The following GABRD variants were observed in gnomAD, a reference collection of about 807,000 sequenced individuals.
GABRD encodes gamma-aminobutyric acid receptor subunit delta.
GABRD carries 25 observed loss-of-function variants against 47.3 expected under a neutral mutation model. The observed-to-expected ratio is 0.53, with a 90% CI of 0.39 to 0.74. GABRD has a LOEUF of 0.74. GABRD is among the 30% of genes least tolerant of loss of function. The pLI is 0.00. For missense variants in GABRD, 497 were observed against 643.4 expected (o/e 0.77, Z 2.46); for synonymous variants, 314 against 278.8 (o/e 1.13, Z -1.26).
At position 2,029,631 on chromosome 1, in the gene GABRD, C is replaced by T. The variant is rs745961044; in HGVS notation, c.928C>T (p.Leu310=). Residue 310 remains leucine, a synonymous_variant, in exon 8 of 9, where the codon CTG becomes TTG. Transcript: ENST00000378585. ...SLPRASAIKA[L]DVYFWICYVF... ...GCCACGGGCATCAGCCATCAAGGCA[C>T]TGGACGTCTACTTCTGGATCTGCTA... is the stretch of plus-strand genomic sequence containing the variant. 3 of 1,613,470 alleles carry T rather than the reference C, an allele frequency of 1.9e-6. No homozygotes were observed. The highest frequency in any genetic ancestry group is 2.5e-6 in the Non-Finnish European group (3 of 1,180,016).
rs1571034136 is a variant in GABRD, at chr1:2,030,472, G to A, written c.*190G>A. 2 of 477,772 alleles carry A rather than the reference G, an allele frequency of 4.2e-6. No individual in the cohort carries two copies. The highest frequency in any genetic ancestry group is 6.8e-5 in the East Asian group (2 of 29,592). The allele number at this position is 477,772 out of a possible 1,614,324, so 29.6% of individuals were successfully genotyped here. A position where few individuals can be genotyped will look rare whatever the true frequency, so the allele number is the denominator to read the frequency against. On this transcript the variant is annotated 3_prime_UTR_variant, in exon 9 of 9. Transcript: ENST00000378585. ...GACCCCAGCCTCACCCGAAAGGCCA[G>A]CCTGGGGCTCTCCGGCAGGCAGCCC...
intron 1 of GABRD, among the ~76,000 whole-genome samples, chr1:2,021,274 C>G (rs951954085): frequency 3.3e-4 from 50 of 152,340 alleles, no homozygotes; most frequent in Admixed American, 1.7e-3. Flanking sequence ...GTGCTGGGCT[C>G]AACCTCCTGC....
chr1:2,030,357 C>A lies in GABRD; in HGVS notation c.*75C>A. Reference sequence around the variant, plus strand: ...CCCAGAAACTTCCTGGGAGAAAGAGCCCTCGGGCTGCCTTCCCCTCTGCGT... The same window carrying A: ...CCCAGAAACTTCCTGGGAGAAAGAGACCTCGGGCTGCCTTCCCCTCTGCGT... On this transcript the variant is annotated 3_prime_UTR_variant, in exon 9 of 9. Coordinates refer to ENST00000378585, the MANE Select transcript of GABRD (RefSeq NM_000815.5). 1 of 1,346,240 alleles carries A rather than the reference C, an allele frequency of 7.4e-7. No homozygotes were observed. Among genetic ancestry groups the A allele is most frequent in the Non-Finnish European group, 9.9e-7 (1 of 1,006,286 alleles). The allele number at this position is 1,346,240 out of a possible 1,614,324, so 83.4% of individuals were successfully genotyped here. A position where few individuals can be genotyped will look rare whatever the true frequency, so the allele number is the denominator to read the frequency against.
chr1:2,026,551 T>C (rs907701728), intron 4 of GABRD: 3 of 152,170 alleles, frequency 2.0e-5, no homozygotes, highest in African/African-American at 7.2e-5. Context: ...TCAGGAGGCA[T>C]GTGGCCGGAT....
Position 2,025,747 on chromosome 1 carries a change from GC to G in GABRD, c.470+10del. Reference sequence around the variant, plus strand: ...ATCCTGTACAGCATCCGGTGAGCGGGCTGCCCACCCGGACTCCGGGGGAGAG... The same window carrying G: ...ATCCTGTACAGCATCCGGTGAGCGGGTGCCCACCCGGACTCCGGGGGAGAG... On this transcript the variant is annotated intron_variant, in intron 4 of 8. Coordinates refer to ENST00000378585, the MANE Select transcript of GABRD (RefSeq NM_000815.5). The G allele has an allele frequency of 6.2e-7, 1 of 1,609,288 alleles. No individual in the cohort carries two copies. The highest frequency in any genetic ancestry group is 8.5e-7 in the Non-Finnish European group (1 of 1,177,164).
chr1:2,025,270 G>T (rs1658888164), intron 2 of GABRD, 64 bp from the exon 3 acceptor site: 4 of 1,585,058 alleles, frequency 2.5e-6, no homozygotes, highest in Non-Finnish European at 3.5e-6. Flanking sequence ...CCCCGGCAGG[G>T]TCCCATCGTG....
chr1:2,025,102 C>A, intron 2 of GABRD, 48 bp downstream of exon 2: 2 of 1,516,274 alleles, frequency 1.3e-6, no homozygotes, highest in Non-Finnish European at 1.8e-6. Flanking sequence ...GGAGCCCAGG[C>A]TAGGCCGTGG....
intron 1 of GABRD, chr1:2,023,747 G>C (rs971464289): frequency 6.6e-6 from 1 of 152,196 alleles, no homozygotes; most frequent in African/African-American, 2.4e-5. Flanking sequence ...AATACAGGGG[G>C]GTTAATCTCA....
At position 2,029,242 on chromosome 1, in the gene GABRD, G is replaced by T. The variant is rs1394297354; in HGVS notation, c.823G>T (p.Ala275Ser). The change falls in exon 7 of 9, where the codon GCG (alanine) becomes TCG (serine). Residue 275 changes from alanine to serine, a missense_variant. Ala to Ser is a moderately conservative substitution (Grantham distance 99). Transcript: ENST00000378585. Reference protein sequence around the residue: ...SWVSFWISQAAVPARVSLGIT... With the variant: ...SWVSFWISQASVPARVSLGIT... Reference sequence around the variant, plus strand: ...GGTCTCCTTCTGGATCAGCCAGGCGGCGGTGCCCGCCAGGGTGTCTCTAGG... The same window carrying T: ...GGTCTCCTTCTGGATCAGCCAGGCGTCGGTGCCCGCCAGGGTGTCTCTAGG... 6.4e-7 allele frequency: 1 copy of T among 1,566,694 alleles called. No individual in the cohort carries two copies.
At chr1:2,020,848 G>A (rs1306271871) in intron 1 of GABRD, among the ~76,000 whole-genome samples, 2 of 152,228 alleles carry the variant, frequency 1.3e-5, no homozygotes, top group Non-Finnish European at 2.9e-5. Context: ...CCGCATGGAC[G>A]TGAGACTCTT....
intron 6 of GABRD, 70 bp from the exon 7 acceptor site, chr1:2,029,041 C>T: frequency 6.6e-7 from 1 of 1,524,586 alleles, no homozygotes; most frequent in Non-Finnish European, 8.8e-7. Flanking sequence ...CCAAGCCCTG[C>T]AGCCCCTGAG....
Position 2,030,140 on chromosome 1 carries a change from C to T in GABRD, c.1217C>T (p.Ala406Val). ...VETGETKKEG[A>V]ARSGGQGGIR... is the part of the protein sequence containing the mutation. ...ACAGGGGAGACGAAGAAGGAGGGGG[C>T]AGCCCGCTCAGGAGGCCAGGGGGGC... Residue 406 changes from alanine to valine, a missense_variant, in exon 9 of 9, where the codon GCA (alanine) becomes GTA (valine). By Grantham distance (64) the Ala-to-Val change is moderately conservative. Coordinates refer to ENST00000378585, the MANE Select transcript of GABRD (RefSeq NM_000815.5). 1.3e-6 allele frequency: 2 copies of T among 1,577,670 alleles called. No individual in the cohort carries two copies. Among genetic ancestry groups the T allele is most frequent in the South Asian group, 1.2e-5 (1 of 86,240 alleles).
chr1:2,029,857 C>T (rs1165241281), intron 8 of GABRD, 95 bp downstream of exon 8: 4 of 1,509,938 alleles, frequency 2.6e-6, no homozygotes, highest in Non-Finnish European at 3.7e-6. Context: ...CAGCTGTGCT[C>T]CCTGAGCGTG....
intron 8 of GABRD, 44 bp from the exon 9 acceptor site, chr1:2,029,939 C>T (rs866583949): frequency 1.2e-6 from 2 of 1,602,440 alleles, no homozygotes; most frequent in Middle Eastern, 3.4e-4. Flanking sequence ...CTGGGAGCTG[C>T]ACCCCAGTGC....
rs761923089 is a variant in GABRD at position 2,030,214 on chromosome 1, G to A, written c.1291G>A (p.Ala431Thr). The A allele has an allele frequency of 5.1e-6, 8 of 1,563,728 alleles. No homozygotes were observed. The highest frequency in any genetic ancestry group is 3.7e-5 in the Admixed American group (2 of 53,404). ...PIDADTIDIY[A>T]RAVFPAAFAA... ...CGACGCAGACACCATTGACATTTAC[G>A]CCCGCGCTGTGTTCCCTGCGGCGTT... The change falls in exon 9 of 9, where the codon GCC (alanine) becomes ACC (threonine). Residue 431 changes from alanine to threonine, a missense_variant. Physicochemically the swap from Ala to Thr is moderately conservative, Grantham distance 58. Coordinates refer to ENST00000378585, the MANE Select transcript of GABRD (RefSeq NM_000815.5).
chr1:2,024,915 G>A (rs1271347244), intron 1 of GABRD, 27 bp from the exon 2 acceptor site: 1 of 1,532,340 alleles, frequency 6.5e-7, no homozygotes, highest in East Asian at 2.2e-5. Flanking sequence ...GTCCTGGCCT[G>A]TCTGACCGGT....
At position 2,028,154 on chromosome 1, in the gene GABRD, G is replaced by C; in HGVS notation, c.554-1G>C. 6.2e-7 allele frequency: 1 copy of C among 1,608,772 alleles called. No individual in the cohort carries two copies. Among genetic ancestry groups the C allele is most frequent in the South Asian group, 1.1e-5 (1 of 90,890 alleles). ...CGCCCACCTGTGTGCTTTTCCTCCA[G>C]ACGGTTACTCATCGGAGGACATCGT... On this transcript the variant is annotated splice_acceptor_variant, in intron 5 of 8. Transcript: ENST00000378585. LOFTEE classifies it high-confidence loss of function. The surrounding 1 kb of genome is among the most constrained non-coding windows in gnomAD (Gnocchi z 6.4).
chr1:2,026,179 C>T (rs1658918463), intron 4 of GABRD, among the ~76,000 whole-genome samples: 1 of 152,200 alleles, frequency 6.6e-6, no homozygotes. Context: ...CCAGCAGCCA[C>T]CCGCTTGCTT....
rs773851367 is a variant in GABRD, at chr1:2,027,681, G to A, written c.553+22G>A. 11 of 1,606,026 alleles carry A rather than the reference G, an allele frequency of 6.8e-6. No homozygotes were observed. The Admixed American group carries it at 1.8e-4, about 27-fold the overall frequency. Reference sequence around the variant, plus strand: ...AGCTGTGAGTGGGTGTGCAAGGCGGGTAGGGGCTTCTCCAGCAGTGGATGG... The same window carrying A: ...AGCTGTGAGTGGGTGTGCAAGGCGGATAGGGGCTTCTCCAGCAGTGGATGG... On this transcript the variant is annotated intron_variant, in intron 5 of 8. Coordinates refer to ENST00000378585, the MANE Select transcript of GABRD (RefSeq NM_000815.5).
Sources: allele counts gnomAD v4.1 joint callset (sites outside exome capture counted in the v4.1 genomes callset), GRCh38; gene constraint gnomAD v4.1.1; non-coding constraint Gnocchi (gnomAD v3.1); transcripts MANE v1.5; gene names NCBI Gene and HGNC (gene_info 2026-07-23, HGNC 2026-07-21).